MPPED2: variants seen among roughly 807,000 people sequenced by gnomAD.
MPPED2 encodes the protein metallophosphoesterase domain containing 2.
In MPPED2, 5 loss-of-function variants were observed where a neutral mutation model predicts 33.0. That is an observed-to-expected ratio of 0.15 (90% CI 0.08 to 0.32). The LOEUF is 0.32. Ranked by LOEUF, MPPED2 falls within the 10% of genes least tolerant of loss-of-function variation. The pLI, the probability that MPPED2 is intolerant of heterozygous loss-of-function variation, is 1.00. For synonymous variants in MPPED2, 136 were observed against 141.9 expected (o/e 0.96, Z 0.29); for missense variants, 275 against 372.1 (o/e 0.74, Z 2.15).
intron 4 of MPPED2, among the ~76,000 whole-genome samples, chr11:30,484,685 T>C (rs1224747570): frequency 6.6e-6 from 1 of 152,204 alleles, no homozygotes; most frequent in Non-Finnish European, 1.5e-5. Context: ...AATGCCCATA[T>C]GTCTTCATTT....
At position 30,536,168 on chromosome 11, in the gene MPPED2, G is replaced by C. The variant is rs756607736; in HGVS notation, c.136C>G (p.Pro46Ala). The change falls in exon 3 of 7, where the codon CCC becomes GCC. Residue 46 changes from proline to alanine, a missense_variant. Physicochemically the swap from Pro to Ala is conservative, Grantham distance 27 (BLOSUM62 -1). Transcript: ENST00000358117. The stretch of plus-strand genomic sequence containing the variant: ...GGTTTTGGAGTGTCATATGGGATGG[G>C]GTCGACCCTAAAGTAGACATAACAG... ...FQPPHVHMVDPIPYDTPKPAG... is the reference protein window; with the variant it reads ...FQPPHVHMVDAIPYDTPKPAG... 2 of 1,599,578 alleles carry C rather than the reference G, an allele frequency of 1.3e-6. No individual in the cohort carries two copies. Among genetic ancestry groups the C allele is most frequent in the South Asian group, 1.1e-5 (1 of 88,406 alleles).
intron 4 of MPPED2, among the ~76,000 whole-genome samples, chr11:30,477,084 A>C (rs1188015769): frequency 6.6e-6 from 1 of 152,108 alleles, no homozygotes; most frequent in Non-Finnish European, 1.5e-5. Context: ...CCATAACCTC[A>C]TTCTTATTCA....
chr11:30,394,945 T>G (rs2133700119), intron 6 of MPPED2, among the ~76,000 whole-genome samples: 1 of 152,324 alleles, frequency 6.6e-6, no homozygotes, highest in African/African-American at 2.4e-5. Context: ...ACACCATTTC[T>G]TTAAAAGACT....
Position 30,507,350 on chromosome 11 carries a change from A to G in MPPED2, c.311-11829T>C, listed in dbSNP as rs150666041. ...TTTCTGAATCCCCACTCACTGTATA[A>G]TCTAATCCACTCTACAGAATATCCT... is the stretch of plus-strand genomic sequence containing the variant. On this transcript the variant is annotated intron_variant, in intron 3 of 6. Transcript: ENST00000358117. Among the ~76,000 whole-genome samples, 675 of 152,300 alleles carry G rather than the reference A, an allele frequency of 4.4e-3. 4 individuals are homozygous for G. Among genetic ancestry groups the G allele is most frequent in the Non-Finnish European group, 5.6e-3 (383 of 68,030 alleles).
chr11:30,446,680 C>T (rs544997035), intron 4 of MPPED2, among the ~76,000 whole-genome samples: 1 of 152,258 alleles, frequency 6.6e-6, no homozygotes, highest in East Asian at 1.9e-4. Context: ...TGGTTAATGG[C>T]TTCCCAAGCC....
chr11:30,531,819 A>G (rs904978578), intron 3 of MPPED2, among the ~76,000 whole-genome samples: 6 of 152,368 alleles, frequency 3.9e-5, no homozygotes, highest in African/African-American at 1.4e-4. Context: ...TTTCTCAGGA[A>G]ATAAACCACC....
downstream of MPPED2, among the ~76,000 whole-genome samples, chr11:30,384,152 C>A (rs1947675479): frequency 6.6e-6 from 1 of 151,792 alleles, no homozygotes; most frequent in South Asian, 2.1e-4. Flanking sequence ...ATGCTGATTA[C>A]AAAAAACAAA....
At chr11:30,567,196 C>G (rs190312041) in intron 2 of MPPED2, among the ~76,000 whole-genome samples, 14 of 152,280 alleles carry the variant, frequency 9.2e-5, no homozygotes, top group Admixed American at 3.9e-4. Flanking sequence ...GGCACTAACT[C>G]TTGCCAAAAG....
chr11:30,450,356 A>C (rs1411978733), intron 4 of MPPED2, among the ~76,000 whole-genome samples: 2 of 152,260 alleles, frequency 1.3e-5, no homozygotes, highest in African/African-American at 2.4e-5. Context: ...AATGAGTAAA[A>C]ATAGACATTG....
chr11:30,527,445 G>C (rs1047542421), intron 3 of MPPED2, among the ~76,000 whole-genome samples: 11 of 151,308 alleles, frequency 7.3e-5, no homozygotes, highest in Admixed American at 7.2e-4. Flanking sequence ...TAAGACAGGA[G>C]CCGGTGGGCA....
chr11:30,417,028 TA>T (rs1487537815), intron 5 of MPPED2, among the ~76,000 whole-genome samples: 1 of 152,186 alleles, frequency 6.6e-6, no homozygotes. Flanking sequence ...CCTCAGCTTA[TA>T]AAAAGGATTC....
At chr11:30,416,718 T>C (rs1324578582) in intron 5 of MPPED2, among the ~76,000 whole-genome samples, 4 of 152,180 alleles carry the variant, frequency 2.6e-5, no homozygotes, top group Non-Finnish European at 4.4e-5. Flanking sequence ...AAGTGAAACA[T>C]CTGAATTTCT....
At chr11:30,499,876 TG>T (rs1280361457) in intron 3 of MPPED2, among the ~76,000 whole-genome samples, 1 of 152,190 alleles carries the variant, frequency 6.6e-6, no homozygotes, top group Non-Finnish European at 1.5e-5. Flanking sequence ...GTTTTGTTTT[TG>T]TAATGAACTA....
intron 6 of MPPED2, among the ~76,000 whole-genome samples, chr11:30,398,874 G>A (rs983914551): frequency 2.6e-5 from 4 of 151,962 alleles, no homozygotes; most frequent in East Asian, 1.9e-4. Flanking sequence ...CTTCAGTTGG[G>A]CCCAGGTTAA....
chr11:30,435,357 T>C (rs1949277319), intron 4 of MPPED2, among the ~76,000 whole-genome samples: 1 of 152,216 alleles, frequency 6.6e-6, no homozygotes, highest in South Asian at 2.1e-4. Flanking sequence ...CTATCAAAAG[T>C]GGTGCTGTCT....
intron 2 of MPPED2, among the ~76,000 whole-genome samples, chr11:30,544,263 A>G: frequency 6.6e-6 from 1 of 152,144 alleles, no homozygotes; most frequent in East Asian, 1.9e-4. Context: ...CCAGGGTTAA[A>G]CGTTTCCCTC....
chr11:30,452,377 C>G (rs1950100012), intron 4 of MPPED2, among the ~76,000 whole-genome samples: 1 of 152,218 alleles, frequency 6.6e-6, no homozygotes, highest in Admixed American at 6.5e-5. Context: ...TGCCCAGGCC[C>G]ATCCTGTGGC....
chr11:30,410,511 G>A lies in MPPED2; in HGVS notation c.*957C>T. 1.0e-6 allele frequency: 1 copy of A among 985,730 alleles called. No individual in the cohort carries two copies. The highest frequency in any genetic ancestry group is 1.2e-6 in the Non-Finnish European group (1 of 829,922). 61.1% of individuals were successfully genotyped at this position (985,730 alleles called of 1,614,324 possible). ...GGACAACTAAGCCTTATTTTAGTTA[G>A]CTTCCATTGCATCCATTTAAGTCTA... On this transcript the variant is annotated 3_prime_UTR_variant, in exon 7 of 7. Coordinates refer to ENST00000358117, the MANE Select transcript of MPPED2 (RefSeq NM_001584.3).
At chr11:30,430,443 C>T (rs1949027594) in intron 4 of MPPED2, among the ~76,000 whole-genome samples, 1 of 152,110 alleles carries the variant, frequency 6.6e-6, no homozygotes, top group Admixed American at 6.5e-5. Flanking sequence ...TATCATTAAA[C>T]CAAATTTTAT....
Sources: allele counts gnomAD v4.1 joint callset (sites outside exome capture counted in the v4.1 genomes callset), GRCh38; gene constraint gnomAD v4.1.1; transcripts MANE v1.5; gene names NCBI Gene and HGNC (gene_info 2026-07-23, HGNC 2026-07-21).